Variants in CYP2J2 observed in about 807,000 individuals in gnomAD.
CYP2J2 encodes cytochrome P450 2J2.
In CYP2J2, 41 loss-of-function variants were observed where a neutral mutation model predicts 48.8. The observed-to-expected ratio is 0.84, with a 90% CI of 0.66 to 1.09. CYP2J2 has a LOEUF of 1.09. Among genes scored for constraint, CYP2J2 ranks in the 50% least tolerant of loss-of-function variants. CYP2J2 has a pLI of 0.00. For synonymous variants in CYP2J2, 221 were observed against 227.1 expected, an observed-to-expected ratio of 0.97 and a Z score of 0.24; for missense variants, 644 against 617.3, an observed-to-expected ratio of 1.04 and a Z score of -0.46.
chr1:59,959,645 A>G, the CYP2J2 span, among the ~76,000 whole-genome samples: 2 of 152,098 alleles, frequency 1.3e-5, no homozygotes, highest in African/African-American at 4.8e-5. Context: ...TGATATATGT[A>G]TATACATATA....
chr1:59,937,252 A>T, the CYP2J2 span, among the ~76,000 whole-genome samples: 34 of 152,354 alleles, frequency 2.2e-4, no homozygotes, highest in Non-Finnish European at 4.1e-4. Context: ...TAAAATGGCA[A>T]GCATCTATTT....
the CYP2J2 span, among the ~76,000 whole-genome samples, chr1:59,969,197 G>A: frequency 2.6e-5 from 4 of 152,332 alleles, no homozygotes; most frequent in Non-Finnish European, 5.9e-5. Flanking sequence ...AGTATGAAAG[G>A]GGATCCGAGC....
intron 1 of CYP2J2, among the ~76,000 whole-genome samples, chr1:59,920,338 T>C (rs1017548349): frequency 6.6e-6 from 1 of 151,550 alleles, no homozygotes; most frequent in South Asian, 2.1e-4. Flanking sequence ...GACTGAAGCA[T>C]AGGGTTCATT....
At position 59,915,848 on chromosome 1, in the gene CYP2J2, T is replaced by C. The variant is rs1052684017; in HGVS notation, c.373+90A>G. On this transcript the variant is annotated intron_variant, in intron 2 of 8. Coordinates refer to ENST00000371204, the MANE Select transcript of CYP2J2 (RefSeq NM_000775.4). ...TTATTATGGGGCTGGTTTCTAGGAG[T>C]GTTGGAAAATTACAGTCACCAAGGT... 9 of 1,250,376 alleles carry C rather than the reference T, an allele frequency of 7.2e-6. No individual in the cohort carries two copies. The Admixed American group carries it at 1.7e-4, about 24-fold the overall frequency. 77.5% of individuals were successfully genotyped at this position (1,250,376 alleles called of 1,614,324 possible). A position where few individuals can be genotyped will look rare whatever the true frequency, so the allele number is the denominator to read the frequency against.
the CYP2J2 span, among the ~76,000 whole-genome samples, chr1:59,965,972 C>T: frequency 1.2e-4 from 18 of 152,220 alleles, no homozygotes; most frequent in South Asian, 4.2e-4. Context: ...CAAATTCTGA[C>T]GATCATGAAG....
In CYP2J2 at chr1:59,907,947, A is replaced by T; in HGVS notation, c.862-20T>A. ...TGTGTGCTAGAAAACACAATGTTTG[A>T]TGTTATTTATTGGTTTATTCAGAGG... On this transcript the variant is annotated intron_variant, in intron 5 of 8. Transcript: ENST00000371204. 6.2e-7 allele frequency: 1 copy of T among 1,613,150 alleles called. No individual in the cohort carries two copies.
At chr1:59,899,709 C>A (rs1446114612) in intron 8 of CYP2J2, among the ~76,000 whole-genome samples, 1 of 152,170 alleles carries the variant, frequency 6.6e-6, no homozygotes, top group Non-Finnish European at 1.5e-5. Flanking sequence ...AGTTTCTATA[C>A]TTGGTTAAGC....
chr1:59,929,327 A>T (rs926859475), upstream of CYP2J2, among the ~76,000 whole-genome samples: 20 of 152,244 alleles, frequency 1.3e-4, no homozygotes, highest in Admixed American at 1.2e-3. Flanking sequence ...ATAATATATT[A>T]TCTAAAATGT....
At chr1:59,926,774 G>T (rs775840142), upstream of CYP2J2, 1 of 1,580,396 alleles carries the variant, frequency 6.3e-7, no homozygotes, top group Non-Finnish European at 8.6e-7. Flanking sequence ...GCTCTTCTGC[G>T]GTCCAAGCAG....
At chr1:59,900,119 A>T (rs1380341477) in intron 8 of CYP2J2, among the ~76,000 whole-genome samples, 6 of 152,218 alleles carry the variant, frequency 3.9e-5, no homozygotes, top group East Asian at 1.9e-4. Context: ...ATTAGATTTT[A>T]AAAAATGAAT....
At chr1:59,940,696 T>C in the CYP2J2 span, among the ~76,000 whole-genome samples, 1 of 152,158 alleles carries the variant, frequency 6.6e-6, no homozygotes, top group Non-Finnish European at 1.5e-5. Flanking sequence ...ATAGCAAACA[T>C]ATGAAATCAA....
the CYP2J2 span, among the ~76,000 whole-genome samples, chr1:59,951,040 T>C: frequency 1.3e-5 from 2 of 152,256 alleles, no homozygotes; most frequent in East Asian, 3.9e-4. Flanking sequence ...GATTCCCCTC[T>C]TGAAGGAAAG....
chr1:59,897,278 A>T (rs1009707091), intron 8 of CYP2J2, among the ~76,000 whole-genome samples: 1 of 152,266 alleles, frequency 6.6e-6, no homozygotes, highest in Non-Finnish European at 1.5e-5. Context: ...AACTGGACCT[A>T]GCAAGTCAGG....
At chr1:59,914,501 G>A (rs950764095) in intron 2 of CYP2J2, among the ~76,000 whole-genome samples, 3 of 152,076 alleles carry the variant, frequency 2.0e-5, no homozygotes, top group Admixed American at 2.0e-4. Flanking sequence ...CAATCTCTTT[G>A]CCCCAACTTT....
chr1:59,910,001 G>A (rs1644398319), intron 4 of CYP2J2, 41 bp from the exon 5 acceptor site: 1 of 1,487,066 alleles, frequency 6.7e-7, no homozygotes, highest in Non-Finnish European at 9.1e-7. Flanking sequence ...ATAACATGGT[G>A]CCATTTTTTT....
the CYP2J2 span, among the ~76,000 whole-genome samples, chr1:59,932,388 A>T: frequency 6.6e-6 from 1 of 152,124 alleles, no homozygotes; most frequent in Admixed American, 6.5e-5. Context: ...GCCATAGGAG[A>T]TTCAATTTAG....
intron 6 of CYP2J2, among the ~76,000 whole-genome samples, chr1:59,906,427 TG>T (rs1285337830): frequency 6.6e-6 from 1 of 151,340 alleles, no homozygotes; most frequent in Non-Finnish European, 1.5e-5. Flanking sequence ...GGAACCCTAA[TG>T]GCTTTGCAAA....
At chr1:59,951,442 CAA>C in the CYP2J2 span, among the ~76,000 whole-genome samples, 1 of 152,018 alleles carries the variant, frequency 6.6e-6, no homozygotes, top group Non-Finnish European at 1.5e-5. Context: ...AATAATAAAG[CAA>C]AAAATCAGAT....
the CYP2J2 span, among the ~76,000 whole-genome samples, chr1:59,934,108 A>G: frequency 3.3e-5 from 5 of 152,198 alleles, no homozygotes; most frequent in African/African-American, 1.2e-4. Flanking sequence ...ATGGTCTTCA[A>G]CAAGGATATC....
Sources: gnomAD v4.1 joint callset for allele counts (sites outside exome capture counted in the v4.1 genomes callset) on GRCh38, gnomAD v4.1.1 for gene constraint, MANE v1.5 for transcripts, NCBI Gene and HGNC (gene_info 2026-07-23, HGNC 2026-07-21) for gene names.